The following ADAP1 variants were observed in gnomAD, a reference collection of about 807,000 sequenced individuals.
ADAP1 encodes the protein arf-GAP with dual PH domain-containing protein 1.
A neutral mutation model predicts 54.9 loss-of-function variants in ADAP1; 31 were observed. The observed-to-expected ratio is 0.56, with a 90% CI of 0.42 to 0.76. The LOEUF (loss-of-function observed/expected upper bound fraction) is 0.76. ADAP1 is among the 30% of genes least tolerant of loss of function. The pLI is 0.00. For synonymous variants in ADAP1, 313 were observed against 202.6 expected (o/e 1.55, Z -4.63); for missense variants, 535 against 512.4 (o/e 1.04, Z -0.42).
At chr7:904,034 C>T (rs562222572) in intron 6 of ADAP1, 92 bp downstream of exon 6, 57 of 1,550,174 alleles carry the variant, frequency 3.7e-5, no homozygotes, top group Middle Eastern at 2.3e-4. Flanking sequence ...CCTACCCTCC[C>T]GTACCGTCCA....
rs1845436872 is a variant in ADAP1 at position 906,721 on chromosome 7, GACGGGAC to G, written c.389-1556_389-1550del. 1.6e-3 allele frequency among the ~76,000 whole-genome samples: 40 copies of G among 24,534 alleles called. 1 individual carries two copies. Among genetic ancestry groups the G allele is most frequent in the African/African-American group, 6.6e-3 (40 of 6,088 alleles). 16.1% of individuals were successfully genotyped at this position (24,534 alleles called of 152,430 possible). On this transcript the variant is annotated intron_variant, in intron 4 of 10. Transcript: ENST00000265846. ...TGGACATGGGGGACGGGACATCGGG[GACGGGAC>G]ATGGGGGACAGAGTACATAGGGGAC...
intron 1 of ADAP1, among the ~76,000 whole-genome samples, chr7:936,782 G>T (rs1463407711): frequency 2.0e-5 from 3 of 152,228 alleles, no homozygotes; most frequent in African/African-American, 7.2e-5. Flanking sequence ...AAATCGAGGC[G>T]CTTCCCCACA....
intron 4 of ADAP1, among the ~76,000 whole-genome samples, chr7:907,892 C>T (rs376996826): frequency 1.3e-5 from 2 of 151,692 alleles, no homozygotes; most frequent in African/African-American, 4.8e-5. Flanking sequence ...CCGGAGGTCG[C>T]GGGGCCGTCT....
At chr7:900,473 T>A (rs890191437) in intron 7 of ADAP1, 60 bp downstream of exon 7, 21 of 1,486,468 alleles carry the variant, frequency 1.4e-5, no homozygotes, top group Non-Finnish European at 1.0e-5. Flanking sequence ...GAGGGCTCCG[T>A]CCACCCCCCA....
Position 918,120 on chromosome 7 carries a change from G to A in ADAP1, c.388+1848C>T, listed in dbSNP as rs377437068. Among the ~76,000 whole-genome samples the A allele has an allele frequency of 2.5e-4, 38 of 152,268 alleles. 1 individual carries two copies. In the East Asian group the frequency reaches 4.2e-3, roughly 17 times the overall value. Reference sequence around the variant, plus strand: ...TTTTTGTATTTTTAGTAGAGACGGGGTTTCACCATGTTGGCCAGGCTGGCC... The same window carrying A: ...TTTTTGTATTTTTAGTAGAGACGGGATTTCACCATGTTGGCCAGGCTGGCC... On this transcript the variant is annotated intron_variant, in intron 4 of 10. Coordinates refer to ENST00000265846, the MANE Select transcript of ADAP1 (RefSeq NM_006869.4).
At chr7:910,456 G>T (rs1845678066) in intron 4 of ADAP1, among the ~76,000 whole-genome samples, 2 of 152,124 alleles carry the variant, frequency 1.3e-5, no homozygotes, top group South Asian at 4.1e-4. Context: ...TCACTGCGTT[G>T]CCCAGGCTGG....
intron 3 of ADAP1, among the ~76,000 whole-genome samples, chr7:922,797 T>G (rs931667427): frequency 6.6e-6 from 1 of 151,030 alleles, no homozygotes; most frequent in Admixed American, 6.6e-5. Context: ...CCGGGTGGTG[T>G]TCACGCCCCC....
chr7:905,334 G>C lies in ADAP1; in HGVS notation c.389-162C>G, dbSNP rs115749495. Reference sequence around the variant, plus strand: ...GGACGGGGAGAGGGGACATGGAGGAGACAGGGAGATAGGAAGATGGGCAGG... The same window carrying C: ...GGACGGGGAGAGGGGACATGGAGGACACAGGGAGATAGGAAGATGGGCAGG... On this transcript the variant is annotated intron_variant, in intron 4 of 10. Coordinates refer to ENST00000265846, the MANE Select transcript of ADAP1 (RefSeq NM_006869.4). 9.6e-4 allele frequency: 406 copies of C among 422,234 alleles called. 21 individuals are homozygous for C. In the African/African-American group the frequency reaches 0.011, roughly 11 times the overall value. 26.2% of individuals were successfully genotyped at this position (422,234 alleles called of 1,614,324 possible).
At chr7:930,556 C>A (rs996199253) in intron 2 of ADAP1, among the ~76,000 whole-genome samples, 11 of 151,474 alleles carry the variant, frequency 7.3e-5, no homozygotes, top group Admixed American at 7.2e-4. Context: ...CGGTGGCTCA[C>A]GTCTGTAATC....
At chr7:909,373 G>A (rs1333245786) in intron 4 of ADAP1, among the ~76,000 whole-genome samples, 4 of 114,680 alleles carry the variant, frequency 3.5e-5, no homozygotes, top group African/African-American at 1.5e-4. Flanking sequence ...CCTCCCGACA[G>A]CAGGCGCCAG....
chr7:914,136 C>A (rs1055470784), intron 4 of ADAP1, among the ~76,000 whole-genome samples: 1 of 152,182 alleles, frequency 6.6e-6, no homozygotes, highest in African/African-American at 2.4e-5. Context: ...GGGCACTGGG[C>A]GTGGCACAGC....
At chr7:924,753 C>T (rs1480866128) in intron 3 of ADAP1, among the ~76,000 whole-genome samples, 2 of 151,824 alleles carry the variant, frequency 1.3e-5, no homozygotes, top group East Asian at 2.0e-4. Context: ...GCACCCATGT[C>T]AGCCCCCGGT....
At position 926,960 on chromosome 7, in the gene ADAP1, CG is replaced by C. The variant is rs566473394; in HGVS notation, c.214-317del. Reference sequence around the variant, plus strand: ...TTTCAACCCCCAAGTCCACCCACACCGGGTGTCCCGTGGGAGAGAGCTGGCT... The same window carrying C: ...TTTCAACCCCCAAGTCCACCCACACCGGTGTCCCGTGGGAGAGAGCTGGCT... On this transcript the variant is annotated intron_variant, in intron 2 of 10. Coordinates refer to ENST00000265846, the MANE Select transcript of ADAP1 (RefSeq NM_006869.4). This position sits in a 1 kb window ranked among gnomAD's most constrained non-coding sequence, Gnocchi z 4.6. The C allele has an allele frequency of 3.9e-4, 491 of 1,262,788 alleles. No individual in the cohort carries two copies. In the African/African-American group the frequency reaches 7.0e-3, roughly 18 times the overall value. 78.2% of individuals were successfully genotyped at this position (1,262,788 alleles called of 1,614,324 possible). A position where few individuals can be genotyped will look rare whatever the true frequency, so the allele number is the denominator to read the frequency against.
chr7:923,745 G>A (rs576995677), intron 3 of ADAP1, among the ~76,000 whole-genome samples: 14 of 152,250 alleles, frequency 9.2e-5, no homozygotes, highest in East Asian at 1.9e-4. Context: ...ACCCTGCTCC[G>A]GACGCTGCCC....
chr7:904,050 C>T (rs2128635087), intron 6 of ADAP1, 76 bp downstream of exon 6: 2 of 1,588,318 alleles, frequency 1.3e-6, no homozygotes, highest in South Asian at 2.3e-5. Context: ...GTCCAAGCAC[C>T]CACCTTCCTG....
At chr7:914,367 G>C (rs542966966) in intron 4 of ADAP1, among the ~76,000 whole-genome samples, 1 of 152,204 alleles carries the variant, frequency 6.6e-6, no homozygotes, top group Non-Finnish European at 1.5e-5. Flanking sequence ...GTGATAAAGG[G>C]CTCTGGTGGC....
intron 5 of ADAP1, among the ~76,000 whole-genome samples, chr7:904,513 G>A (rs1341555243): frequency 6.6e-6 from 1 of 152,148 alleles, no homozygotes; most frequent in African/African-American, 2.4e-5. Flanking sequence ...ATCAGACACT[G>A]CACCTCCCTC....
At chr7:939,754 C>A (rs1479520146) in intron 1 of ADAP1, among the ~76,000 whole-genome samples, 1 of 151,724 alleles carries the variant, frequency 6.6e-6, no homozygotes, top group African/African-American at 2.4e-5. Context: ...TCACTGGAAC[C>A]CGGGAGATGG....
In ADAP1 at chr7:920,953, C is replaced by A; in HGVS notation, c.306-903G>T. 1.5e-6 allele frequency: 2 copies of A among 1,322,976 alleles called. No homozygotes were observed. The highest frequency in any genetic ancestry group is 2.9e-5 in the African/African-American group (2 of 68,840). 82.0% of individuals were successfully genotyped at this position (1,322,976 alleles called of 1,614,324 possible). On this transcript the variant is annotated intron_variant, in intron 3 of 10. Coordinates refer to ENST00000265846, the MANE Select transcript of ADAP1 (RefSeq NM_006869.4). This position sits in a 1 kb window ranked among gnomAD's most constrained non-coding sequence, Gnocchi z 4.5. ...GGGCCCACGTGAACAGCCTTGGAGACTGGGCGGGAATCCTCGCCCACAGGA... is the reference window on the plus strand; with the variant it reads ...GGGCCCACGTGAACAGCCTTGGAGAATGGGCGGGAATCCTCGCCCACAGGA...
Sources: allele counts gnomAD v4.1 joint callset (sites outside exome capture counted in the v4.1 genomes callset), GRCh38; gene constraint gnomAD v4.1.1; non-coding constraint Gnocchi (gnomAD v3.1); transcripts MANE v1.5; gene names NCBI Gene and HGNC (gene_info 2026-07-23, HGNC 2026-07-21).